The following PEAK1 variants were observed in gnomAD, a reference collection of about 807,000 sequenced individuals.
PEAK1 encodes pseudopodium enriched atypical kinase 1, also known as inactive tyrosine-protein kinase PEAK1.
PEAK1 carries 54 observed loss-of-function variants against 124.7 expected under a neutral mutation model. The ratio of observed to expected loss-of-function variants is 0.43; its 90% CI spans 0.35 to 0.54. PEAK1 has a LOEUF of 0.54. PEAK1 is among the 20% of genes least tolerant of loss of function. PEAK1 has a pLI of 0.01. For missense variants in PEAK1, 2,046 were observed against 2,134.5 expected (o/e 0.96, Z 0.82); for synonymous variants, 719 against 760.0 (o/e 0.95, Z 0.89).
intron 1 of PEAK1, among the ~76,000 whole-genome samples, chr15:77,405,882 T>G (rs762840899): frequency 4.6e-5 from 7 of 152,160 alleles, no homozygotes; most frequent in Non-Finnish European, 1.0e-4. Context: ...AAAATCTAAG[T>G]CAATAATTAA....
chr15:77,271,633 G>C (rs2062038999), intron 5 of PEAK1, among the ~76,000 whole-genome samples: 1 of 152,136 alleles, frequency 6.6e-6, no homozygotes, highest in African/African-American at 2.4e-5. Context: ...CCTTTGTAGG[G>C]ACATGGATGA....
At chr15:77,371,071 C>T in intron 1 of PEAK1, 1 of 904,158 alleles carries the variant, frequency 1.1e-6, no homozygotes. Flanking sequence ...AAATCCAACA[C>T]ATCTACAAAA....
chr15:77,229,590 A>T (rs2059815866), intron 6 of PEAK1, among the ~76,000 whole-genome samples: 1 of 151,468 alleles, frequency 6.6e-6, no homozygotes, highest in African/African-American at 2.4e-5. Flanking sequence ...GAGGTATCTG[A>T]TTCCTGACCA....
At chr15:77,178,768 T>G (rs772918981) in intron 7 of PEAK1, 22 bp downstream of exon 7, 1 of 1,589,378 alleles carries the variant, frequency 6.3e-7, no homozygotes, top group South Asian at 1.1e-5. Context: ...ATTCCCATAT[T>G]CTTCCAGTCT....
chr15:77,147,926 G>A (rs754935803), intron 8 of PEAK1, among the ~76,000 whole-genome samples: 12 of 152,036 alleles, frequency 7.9e-5, no homozygotes, highest in Non-Finnish European at 1.5e-4. Context: ...ATCTACATGC[G>A]GCTACTAGGC....
At chr15:77,191,458 A>G (rs2057830472) in intron 6 of PEAK1, among the ~76,000 whole-genome samples, 1 of 152,186 alleles carries the variant, frequency 6.6e-6, no homozygotes. Context: ...TTCAATGGGA[A>G]CACTGTTAAC....
chr15:77,117,308 C>T (rs1490226748), intron 9 of PEAK1, among the ~76,000 whole-genome samples: 1 of 152,152 alleles, frequency 6.6e-6, no homozygotes, highest in African/African-American at 2.4e-5. Flanking sequence ...TTGAGCATTT[C>T]ACTAATTTCT....
chr15:77,184,380 T>C (rs1343916633), intron 6 of PEAK1, among the ~76,000 whole-genome samples: 1 of 152,136 alleles, frequency 6.6e-6, no homozygotes, highest in Non-Finnish European at 1.5e-5. Context: ...GGAATGTAAA[T>C]GGTTCAGGTA....
In PEAK1 at chr15:77,204,683, T is replaced by C. The variant is rs539069131; in HGVS notation, c.-114-22643A>G. On this transcript the variant is annotated intron_variant, in intron 6 of 9. Coordinates refer to ENST00000682557, the MANE Select transcript of PEAK1 (RefSeq NM_001385026.1). ...ACTTTGGGAGGCCGAGGCAGGTGAATCACAAGGTCAGGAGTTTAAGACCAG... is the reference window on the plus strand; with the variant it reads ...ACTTTGGGAGGCCGAGGCAGGTGAACCACAAGGTCAGGAGTTTAAGACCAG... The C allele has an allele frequency of 2.6e-5, 4 of 152,636 alleles. No homozygotes were observed. In the East Asian group the frequency reaches 7.7e-4, roughly 29 times the overall value. 9.5% of individuals were successfully genotyped at this position (152,636 alleles called of 1,614,324 possible).
At chr15:77,192,197 G>T (rs553225255) in intron 6 of PEAK1, among the ~76,000 whole-genome samples, 139 of 152,300 alleles carry the variant, frequency 9.1e-4, no homozygotes, top group African/African-American at 3.2e-3. Flanking sequence ...GAAGATGCAG[G>T]ATGCTGAGGT....
chr15:77,275,586 C>T lies in PEAK1; in HGVS notation c.-275+8297G>A, dbSNP rs192028388. On this transcript the variant is annotated intron_variant, in intron 5 of 9. Coordinates refer to ENST00000682557, the MANE Select transcript of PEAK1 (RefSeq NM_001385026.1). ...CAAAAATTAGATGGGTGTGATGGTGCGTGCCTGTAATCCCAGCTACTCAGG... is the reference window on the plus strand; with the variant it reads ...CAAAAATTAGATGGGTGTGATGGTGTGTGCCTGTAATCCCAGCTACTCAGG... 2.6e-3 allele frequency among the ~76,000 whole-genome samples: 398 copies of T among 151,886 alleles called. 1 individual carries two copies. The highest frequency in any genetic ancestry group is 0.014 in the Middle Eastern group (4 of 294).
intron 5 of PEAK1, among the ~76,000 whole-genome samples, chr15:77,267,801 G>C (rs982344031): frequency 1.4e-4 from 22 of 151,954 alleles, no homozygotes; most frequent in African/African-American, 5.3e-4. Context: ...GACAAAACAA[G>C]GTTCTTTAAC....
At chr15:77,123,987 A>G (rs1245291608) in intron 9 of PEAK1, among the ~76,000 whole-genome samples, 1 of 152,242 alleles carries the variant, frequency 6.6e-6, no homozygotes, top group African/African-American at 2.4e-5. Context: ...TCACCAAAAC[A>G]TTTATTTAAA....
chr15:77,210,511 C>T (rs892589395), intron 6 of PEAK1, among the ~76,000 whole-genome samples: 13 of 152,154 alleles, frequency 8.5e-5, no homozygotes, highest in African/African-American at 3.1e-4. Context: ...TCTTTTAAAC[C>T]AGAAAACTTT....
At chr15:77,335,955 TA>T in intron 2 of PEAK1, 1 of 985,446 alleles carries the variant, frequency 1.0e-6, no homozygotes. Flanking sequence ...GGAAATCTTT[TA>T]CCAGGTTAGG....
At chr15:77,145,211 G>T (rs1222945872) in intron 8 of PEAK1, among the ~76,000 whole-genome samples, 2 of 152,204 alleles carry the variant, frequency 1.3e-5, no homozygotes, top group African/African-American at 4.8e-5. Flanking sequence ...CACTTCGGGA[G>T]GCCGAGGTGG....
At chr15:77,184,149 T>A (rs1007507510) in intron 6 of PEAK1, among the ~76,000 whole-genome samples, 5 of 151,944 alleles carry the variant, frequency 3.3e-5, no homozygotes, top group Admixed American at 2.0e-4. Flanking sequence ...ATGGATTGCA[T>A]TTAAACAATA....
chr15:77,325,143 G>A (rs2065485071), intron 2 of PEAK1, among the ~76,000 whole-genome samples: 1 of 152,222 alleles, frequency 6.6e-6, no homozygotes, highest in Non-Finnish European at 1.5e-5. Flanking sequence ...CCTTGGCTGG[G>A]TGTGGTGGCT....
intron 1 of PEAK1, among the ~76,000 whole-genome samples, chr15:77,399,446 G>T (rs1238823988): frequency 6.6e-6 from 1 of 152,084 alleles, no homozygotes; most frequent in African/African-American, 2.4e-5. Flanking sequence ...AACTAAAACA[G>T]CATGGTATTA....
Sources: allele counts gnomAD v4.1 joint callset (sites outside exome capture counted in the v4.1 genomes callset), GRCh38; gene constraint gnomAD v4.1.1; transcripts MANE v1.5; gene names NCBI Gene and HGNC (gene_info 2026-07-23, HGNC 2026-07-21).